DCP2: variants seen among roughly 807,000 people sequenced by gnomAD.
The protein encoded by DCP2 is m7GpppN-mRNA hydrolase.
Under a neutral mutation model 56.1 loss-of-function variants are expected in DCP2, and 30 were observed. The observed-to-expected ratio is 0.53, with a 90% confidence interval of 0.40 to 0.73. The LOEUF (loss-of-function observed/expected upper bound fraction) is 0.73. Among genes scored for constraint, DCP2 ranks in the 30% least tolerant of loss-of-function variants. The probability of loss-of-function intolerance (pLI) is 0.00; values close to 1 mark genes in which losing one functional copy is unlikely to be tolerated. For missense variants in DCP2, 533 were observed against 502.7 expected, an observed-to-expected ratio of 1.06 and a Z score of -0.58; for synonymous variants, 197 against 163.3, an observed-to-expected ratio of 1.21 and a Z score of -1.57.
Position 112,976,815 on chromosome 5 carries a change from C to A in DCP2, c.-119C>A, listed in dbSNP as rs770304314. 3.0e-6 allele frequency: 3 copies of A among 998,112 alleles called. No homozygotes were observed. The highest frequency in any genetic ancestry group is 1.3e-5 in the South Asian group (1 of 78,704). 61.8% of individuals were successfully genotyped at this position (998,112 alleles called of 1,614,324 possible). On this transcript the variant is annotated 5_prime_UTR_variant, in exon 1 of 11. Transcript: ENST00000389063. The stretch of plus-strand genomic sequence containing the variant: ...TTCCCCTTCTCGTCTCCGTTGGAGT[C>A]GTCTCTGCCGCGGCTTCCTCGGCTG...
intron 1 of DCP2, among the ~76,000 whole-genome samples, chr5:112,979,738 A>C (rs1449847785): frequency 1.3e-5 from 2 of 152,158 alleles, no homozygotes; most frequent in African/African-American, 4.8e-5. Flanking sequence ...GTAACATTCT[A>C]TTTATTGGAA....
At chr5:113,006,867 T>C (rs956633021) in intron 8 of DCP2, among the ~76,000 whole-genome samples, 3 of 152,208 alleles carry the variant, frequency 2.0e-5, no homozygotes, top group African/African-American at 7.2e-5. Context: ...GAACGTTGGC[T>C]CACACCTGTA....
At chr5:113,012,418 A>T (rs1561706897) in intron 10 of DCP2, among the ~76,000 whole-genome samples, 1 of 152,194 alleles carries the variant, frequency 6.6e-6, no homozygotes, top group Non-Finnish European at 1.5e-5. Flanking sequence ...ATATGAATAT[A>T]TAAAATTTTG....
At chr5:113,007,515 C>T (rs1749495458) in intron 8 of DCP2, among the ~76,000 whole-genome samples, 1 of 152,042 alleles carries the variant, frequency 6.6e-6, no homozygotes, top group Non-Finnish European at 1.5e-5. Context: ...ACTCTTCTGC[C>T]TCTGCCTCCT....
rs145627516 is a variant in DCP2, at chr5:113,015,600, A to G, written c.*2116A>G. On this transcript the variant is annotated 3_prime_UTR_variant, in exon 11 of 11. Transcript: ENST00000389063. ...TTAATGCACTGTGGAACAAAATATA[A>G]GGGTACTGTTGGGGTGTGATTATGA... is the stretch of plus-strand genomic sequence containing the variant. 1,319 of 152,730 alleles carry G rather than the reference A, an allele frequency of 8.6e-3. 9 individuals carry two copies. The highest frequency in any genetic ancestry group is 0.01 in the Middle Eastern group (3 of 294). The allele number at this position is 152,730 out of a possible 1,614,324, so 9.5% of individuals were successfully genotyped here.
chr5:113,017,780 G>A lies in DCP2; in HGVS notation c.*4296G>A, dbSNP rs957674482. Reference sequence around the variant, plus strand: ...CTTTATTATGTTCCAGGCTAGAAATGTGATCATTGCATGGCCTAAGTGTAG... The same window carrying A: ...CTTTATTATGTTCCAGGCTAGAAATATGATCATTGCATGGCCTAAGTGTAG... On this transcript the variant is annotated 3_prime_UTR_variant, in exon 11 of 11. Coordinates refer to ENST00000389063, the MANE Select transcript of DCP2 (RefSeq NM_152624.6). 1.3e-5 allele frequency: 2 copies of A among 152,310 alleles called. No individual in the cohort carries two copies. Among genetic ancestry groups the A allele is most frequent in the Non-Finnish European group, 1.5e-5 (1 of 68,032 alleles). The allele number at this position is 152,310 out of a possible 1,614,324, so 9.4% of individuals were successfully genotyped here.
intron 1 of DCP2, among the ~76,000 whole-genome samples, chr5:112,980,882 TTCTA>T (rs1311652205): frequency 2.6e-5 from 4 of 152,130 alleles, no homozygotes; most frequent in Admixed American, 2.6e-4. Flanking sequence ...TTTATCAACT[TTCTA>T]TATTGAATTG....
intron 8 of DCP2, 92 bp from the exon 9 acceptor site, chr5:113,007,846 G>A: frequency 8.9e-7 from 1 of 1,125,208 alleles, no homozygotes; most frequent in East Asian, 2.6e-5. Context: ...CTAAAAACTT[G>A]GTTCAACCAG....
At chr5:113,003,445 G>A (rs1341703893) in intron 7 of DCP2, among the ~76,000 whole-genome samples, 2 of 152,190 alleles carry the variant, frequency 1.3e-5, no homozygotes, top group African/African-American at 2.4e-5. Flanking sequence ...GCATGGTGGC[G>A]TGTGTCTGTA....
In DCP2 at chr5:113,002,618, T is replaced by C. The variant is rs567558838; in HGVS notation, c.806+944T>C. Among the ~76,000 whole-genome samples, 7 of 152,174 alleles carry C rather than the reference T, an allele frequency of 4.6e-5. No individual in the cohort carries two copies. In the East Asian group the frequency reaches 1.2e-3, roughly 25 times the overall value. ...TCACCGCAGCCTTGACCTCCTGGAC[T>C]CAAGTAATCATCCCACTTAGTTTCC... On this transcript the variant is annotated intron_variant, in intron 7 of 10. Transcript: ENST00000389063.
rs76746374 is a variant in DCP2 at position 112,989,597 on chromosome 5, A to G, written c.206-2524A>G. Among the ~76,000 whole-genome samples the G allele has an allele frequency of 8.8e-3, 1,346 of 152,306 alleles. 18 individuals carry two copies. The highest frequency in any genetic ancestry group is 0.031 in the African/African-American group (1,303 of 41,552). On this transcript the variant is annotated intron_variant, in intron 2 of 10. Transcript: ENST00000389063. ...AGGCTAAAACATGTAGGGGTCTTGT[A>G]GGCCATATTTCTTTAAAAAACAGAT...
intron 1 of DCP2, among the ~76,000 whole-genome samples, chr5:112,981,736 A>G (rs888887127): frequency 1.3e-5 from 2 of 152,074 alleles, no homozygotes; most frequent in African/African-American, 2.4e-5. Flanking sequence ...AAAGAAATAT[A>G]TGCTTTTGTT....
Position 113,013,510 on chromosome 5 carries a change from C to T in DCP2, c.*26C>T. 6.2e-7 allele frequency: 1 copy of T among 1,611,502 alleles called. No individual in the cohort carries two copies. Among genetic ancestry groups the T allele is most frequent in the Non-Finnish European group, 8.5e-7 (1 of 1,178,588 alleles). ...TAGCAGCACATGTATTGTAAATGTC[C>T]CAGGATCAGAGACCTGTTGAATTTG... On this transcript the variant is annotated 3_prime_UTR_variant, in exon 11 of 11. Coordinates refer to ENST00000389063, the MANE Select transcript of DCP2 (RefSeq NM_152624.6).
At chr5:112,989,849 A>G (rs923491147) in intron 2 of DCP2, among the ~76,000 whole-genome samples, 1 of 152,208 alleles carries the variant, frequency 6.6e-6, no homozygotes, top group African/African-American at 2.4e-5. Flanking sequence ...TTATTAATTT[A>G]CTAGAGAGAG....
Position 113,013,238 on chromosome 5 carries a change from GT to G in DCP2, c.1100-79del, listed in dbSNP as rs1201288666. The G allele has an allele frequency of 9.9e-6, 14 of 1,414,332 alleles. No homozygotes were observed. The East Asian group carries it at 3.0e-4, about 31-fold the overall frequency. 87.6% of individuals were successfully genotyped at this position (1,414,332 alleles called of 1,614,324 possible). ...GATAAATATATACTCAAAACTAATT[GT>G]TTTGTAACAAAAGGCAAAGGGCAGT... On this transcript the variant is annotated intron_variant, in intron 10 of 10. Coordinates refer to ENST00000389063, the MANE Select transcript of DCP2 (RefSeq NM_152624.6).
intron 1 of DCP2, among the ~76,000 whole-genome samples, chr5:112,982,613 A>G (rs1748063123): frequency 6.6e-6 from 1 of 152,190 alleles, no homozygotes; most frequent in African/African-American, 2.4e-5. Context: ...TATCCTTAAT[A>G]CTACCTTCCA....
intron 4 of DCP2, among the ~76,000 whole-genome samples, chr5:112,994,471 C>G (rs1032847237): frequency 6.6e-6 from 1 of 152,116 alleles, no homozygotes; most frequent in African/African-American, 2.4e-5. Flanking sequence ...TGTGCCCAGC[C>G]TTCATTCTTA....
chr5:113,009,768 G>T (rs1235869839), intron 9 of DCP2, among the ~76,000 whole-genome samples: 1 of 152,110 alleles, frequency 6.6e-6, no homozygotes, highest in Non-Finnish European at 1.5e-5. Flanking sequence ...TATTTTTAAA[G>T]ACTATCAGAC....
At chr5:112,980,726 A>G (rs926171025) in intron 1 of DCP2, among the ~76,000 whole-genome samples, 1 of 152,066 alleles carries the variant, frequency 6.6e-6, no homozygotes, top group Non-Finnish European at 1.5e-5. Flanking sequence ...TAGAGTACAG[A>G]CAGATTTATA....
Sources: allele counts gnomAD v4.1 joint callset (sites outside exome capture counted in the v4.1 genomes callset), GRCh38; gene constraint gnomAD v4.1.1; transcripts MANE v1.5; gene names NCBI Gene and HGNC (gene_info 2026-07-23, HGNC 2026-07-21).